Variants in PCDHGA3 observed in about 807,000 individuals in gnomAD.
PCDHGA3 encodes the protein protocadherin gamma subfamily A, 3.
A neutral mutation model predicts 58.5 loss-of-function variants in PCDHGA3; 40 were observed. The ratio of observed to expected loss-of-function variants is 0.68; its 90% CI spans 0.53 to 0.89. PCDHGA3 has a LOEUF of 0.89. PCDHGA3 is among the 40% of genes least tolerant of loss of function. The probability of loss-of-function intolerance (pLI) is 0.00; values close to 1 mark genes in which losing one functional copy is unlikely to be tolerated. For synonymous variants in PCDHGA3, 530 were observed against 525.7 expected, an observed-to-expected ratio of 1.01 and a Z score of -0.11; for missense variants, 1,223 against 1,195.9, an observed-to-expected ratio of 1.02 and a Z score of -0.33.
rs376395066 is a variant in PCDHGA3 at position 141,490,681 on chromosome 5, C to G, written c.2425-4126C>G. On this transcript the variant is annotated intron_variant, in intron 1 of 3. Transcript: ENST00000253812. The surrounding 1 kb of genome is among the most constrained non-coding windows in gnomAD (Gnocchi z 5.4). ...TCTTTGCACTGTGGCTGCCTCAGATCCAGACACTGGGGATAATGCCCGCCT... is the reference window on the plus strand; with the variant it reads ...TCTTTGCACTGTGGCTGCCTCAGATGCAGACACTGGGGATAATGCCCGCCT... 2.5e-6 allele frequency: 4 copies of G among 1,613,998 alleles called. No homozygotes were observed. In the African/African-American group the frequency reaches 4.0e-5, roughly 16 times the overall value.
chr5:141,454,366 GT>G (rs2098787984), intron 1 of PCDHGA3, among the ~76,000 whole-genome samples: 1 of 152,166 alleles, frequency 6.6e-6, no homozygotes, highest in Admixed American at 6.5e-5. Flanking sequence ...TTAGAAAGGA[GT>G]ATGGCAACTT....
Position 141,491,898 on chromosome 5 carries a change from G to C in PCDHGA3, c.2425-2909G>C, listed in dbSNP as rs772673872. 9.0e-5 allele frequency: 129 copies of C among 1,428,816 alleles called. 1 individual carries two copies. In the Middle Eastern group the frequency reaches 2.0e-3, roughly 22 times the overall value. The allele number at this position is 1,428,816 out of a possible 1,614,324, so 88.5% of individuals were successfully genotyped here. On this transcript the variant is annotated intron_variant, in intron 1 of 3. Coordinates refer to ENST00000253812, the MANE Select transcript of PCDHGA3 (RefSeq NM_018916.4). The surrounding 1 kb of genome is among the most constrained non-coding windows in gnomAD (Gnocchi z 6.9). ...ATTAAGGGATGGGGCTCCGAGCACCGGGGGTGGTGGCGACTGTGGGCGAGG... is the reference window on the plus strand; with the variant it reads ...ATTAAGGGATGGGGCTCCGAGCACCCGGGGTGGTGGCGACTGTGGGCGAGG...
chr5:141,353,397 A>G (rs1759270866), intron 1 of PCDHGA3, among the ~76,000 whole-genome samples: 1 of 152,212 alleles, frequency 6.6e-6, no homozygotes, highest in South Asian at 2.1e-4. Flanking sequence ...TATGTAATTA[A>G]TGTAATCTTC....
At chr5:141,382,125 GC>G (rs1470370841) in intron 1 of PCDHGA3, among the ~76,000 whole-genome samples, 1 of 151,872 alleles carries the variant, frequency 6.6e-6, no homozygotes, top group East Asian at 1.9e-4. Flanking sequence ...ACAGCACCTG[GC>G]CCCCCCTCTC....
chr5:141,383,198 C>A, intron 1 of PCDHGA3: 1 of 1,614,016 alleles, frequency 6.2e-7, no homozygotes, highest in Non-Finnish European at 8.5e-7. Flanking sequence ...GCTCAGAGTG[C>A]GCGGTGTCTG....
chr5:141,454,587 G>A (rs1000852095), intron 1 of PCDHGA3, among the ~76,000 whole-genome samples: 22 of 150,902 alleles, frequency 1.5e-4, no homozygotes, highest in African/African-American at 5.4e-4. Context: ...TGTATTTTTA[G>A]TAGAGACAGG....
At position 141,432,759 on chromosome 5, in the gene PCDHGA3, G is replaced by T. The variant is rs768949018; in HGVS notation, c.2425-62048G>T. On this transcript the variant is annotated intron_variant, in intron 1 of 3. Transcript: ENST00000253812. The surrounding 1 kb of genome is among the most constrained non-coding windows in gnomAD (Gnocchi z 6.0). ...ACGCTCACCGTGGCCGTGGCCGACA[G>T]CATCCCCCAAGTCCTGGCGGACCTC... is the stretch of plus-strand genomic sequence containing the variant. The T allele has an allele frequency of 6.2e-6, 10 of 1,614,032 alleles. No homozygotes were observed. The highest frequency in any genetic ancestry group is 7.6e-6 in the Non-Finnish European group (9 of 1,180,014).
intron 1 of PCDHGA3, among the ~76,000 whole-genome samples, chr5:141,438,623 TATATATATATATACACACAC>T (rs1272037524): frequency 7.0e-5 from 3 of 42,840 alleles, no homozygotes; most frequent in African/African-American, 1.6e-4. Flanking sequence ...TATATATATA[TATATATATATATACACACAC>T]ACACACACAT....
rs1282933352 is a variant in PCDHGA3 at position 141,352,670 on chromosome 5, G to A, written c.2424+6213G>A. The A allele has an allele frequency of 2.5e-6, 4 of 1,578,960 alleles. No individual in the cohort carries two copies. The African/African-American group carries it at 4.0e-5, about 16-fold the overall frequency. ...TTATGACCCTTCTTTGTCTTCGCAC[G>A]TGAGTTTCTGCAAATCTAGTTAAAT... On this transcript the variant is annotated intron_variant, in intron 1 of 3. Coordinates refer to ENST00000253812, the MANE Select transcript of PCDHGA3 (RefSeq NM_018916.4).
chr5:141,397,177 A>G (rs1453004001), intron 1 of PCDHGA3, among the ~76,000 whole-genome samples: 1 of 152,250 alleles, frequency 6.6e-6, no homozygotes, highest in Non-Finnish European at 1.5e-5. Flanking sequence ...CTTAAGAATG[A>G]ATTTATGTAC....
intron 1 of PCDHGA3, among the ~76,000 whole-genome samples, chr5:141,467,395 G>A (rs1197131223): frequency 6.6e-6 from 1 of 152,056 alleles, no homozygotes; most frequent in African/African-American, 2.4e-5. Flanking sequence ...TTAAGTCATA[G>A]TTAGAAAGCC....
Position 141,431,062 on chromosome 5 carries a change from G to C in PCDHGA3, c.2425-63745G>C, listed in dbSNP as rs2097341170. On this transcript the variant is annotated intron_variant, in intron 1 of 3. Coordinates refer to ENST00000253812, the MANE Select transcript of PCDHGA3 (RefSeq NM_018916.4). This position sits in a 1 kb window ranked among gnomAD's most constrained non-coding sequence, Gnocchi z 4.8. ...AGGAGCTCTGTATGGGGGCCATCAA[G>C]TGTCAATTAAATCTAGACATTCTGA... 6.2e-7 allele frequency: 1 copy of C among 1,614,212 alleles called. No individual in the cohort carries two copies. The highest frequency in any genetic ancestry group is 1.3e-5 in the African/African-American group (1 of 75,084).
chr5:141,395,177 T>A (rs1325466781), intron 1 of PCDHGA3: 1 of 1,614,120 alleles, frequency 6.2e-7, no homozygotes, highest in Non-Finnish European at 8.5e-7. Context: ...GTGAGAAAAA[T>A]GATTCTTTGT....
chr5:141,398,691 T>C, intron 1 of PCDHGA3: 1 of 1,613,876 alleles, frequency 6.2e-7, no homozygotes, highest in Non-Finnish European at 8.5e-7. Flanking sequence ...AACAGGATGG[T>C]AGTAAATACC....
At chr5:141,423,147 G>A (rs545052756) in intron 1 of PCDHGA3, 4 of 1,613,578 alleles carry the variant, frequency 2.5e-6, no homozygotes, top group African/African-American at 2.7e-5. Context: ...ACGCGCTCAA[G>A]CAGAGCCTCG....
chr5:141,400,448 A>G (rs750585724), intron 1 of PCDHGA3: 1 of 1,614,078 alleles, frequency 6.2e-7, no homozygotes, highest in Non-Finnish European at 8.5e-7. Flanking sequence ...TCAGGACAAG[A>G]CATACTTTGT....
rs1554123924 is a variant in PCDHGA3, at chr5:141,431,826, T to C, written c.2425-62981T>C. 1 of 1,614,220 alleles carries C rather than the reference T, an allele frequency of 6.2e-7. No homozygotes were observed. The highest frequency in any genetic ancestry group is 8.5e-7 in the Non-Finnish European group (1 of 1,180,050). The stretch of plus-strand genomic sequence containing the variant: ...GTCCTCACCTCTCTCGCCAGCTCGG[T>C]TCCCGAAAACTCTCCCAGAGGGACA... On this transcript the variant is annotated intron_variant, in intron 1 of 3. Coordinates refer to ENST00000253812, the MANE Select transcript of PCDHGA3 (RefSeq NM_018916.4). This position sits in a 1 kb window ranked among gnomAD's most constrained non-coding sequence, Gnocchi z 4.8.
rs1340974686 is a variant in PCDHGA3, at chr5:141,477,604, C to T, written c.2425-17203C>T. The T allele has an allele frequency of 6.2e-7, 1 of 1,614,084 alleles. No individual in the cohort carries two copies. Among genetic ancestry groups the T allele is most frequent in the Non-Finnish European group, 8.5e-7 (1 of 1,180,054 alleles). ...AGAATGCTCGGCTTTCTTTCTTTCT[C>T]TTGGAGCAAGGAGCTGAAACCGGGC... On this transcript the variant is annotated intron_variant, in intron 1 of 3. Coordinates refer to ENST00000253812, the MANE Select transcript of PCDHGA3 (RefSeq NM_018916.4). The surrounding 1 kb of genome is among the most constrained non-coding windows in gnomAD (Gnocchi z 4.9).
In PCDHGA3 at chr5:141,477,362, G is replaced by T. The variant is rs920445601; in HGVS notation, c.2425-17445G>T. 6.2e-7 allele frequency: 1 copy of T among 1,614,142 alleles called. No individual in the cohort carries two copies. The highest frequency in any genetic ancestry group is 1.3e-5 in the African/African-American group (1 of 75,022). On this transcript the variant is annotated intron_variant, in intron 1 of 3. Coordinates refer to ENST00000253812, the MANE Select transcript of PCDHGA3 (RefSeq NM_018916.4). The surrounding 1 kb of genome is among the most constrained non-coding windows in gnomAD (Gnocchi z 4.9). ...CACTTTGAAAACCAGTGCAGACCTG[G>T]ATCGGGAGACTGTGCCAGAATACAA...
Sources: allele counts gnomAD v4.1 joint callset (sites outside exome capture counted in the v4.1 genomes callset), GRCh38; gene constraint gnomAD v4.1.1; non-coding constraint Gnocchi (gnomAD v3.1); transcripts MANE v1.5; gene names NCBI Gene and HGNC (gene_info 2026-07-23, HGNC 2026-07-21).